F7: variants seen among roughly 807,000 people sequenced by gnomAD.
The protein encoded by F7 is coagulation factor VII.
Under a neutral mutation model 47.5 loss-of-function variants are expected in F7, and 38 were observed. The ratio of observed to expected loss-of-function variants is 0.80; its 90% CI spans 0.62 to 1.05. The LOEUF (loss-of-function observed/expected upper bound fraction) is 1.05. F7 is among the 50% of genes least tolerant of loss of function. The pLI is 0.00. For missense variants in F7, 575 were observed against 605.4 expected (o/e 0.95, Z 0.53); for synonymous variants, 244 against 258.5 (o/e 0.94, Z 0.54).
chr13:113,119,317 CCAAGGT>C lies in F7; in HGVS notation c.*310_*315del. The C allele has an allele frequency of 2.5e-6, 1 of 404,600 alleles. No individual in the cohort carries two copies. Among genetic ancestry groups the C allele is most frequent in the Non-Finnish European group, 4.5e-6 (1 of 222,854 alleles). 25.1% of individuals were successfully genotyped at this position (404,600 alleles called of 1,614,324 possible). A position where few individuals can be genotyped will look rare whatever the true frequency, so the allele number is the denominator to read the frequency against. On this transcript the variant is annotated 3_prime_UTR_variant, in exon 8 of 8. Coordinates refer to ENST00000346342, the MANE Select transcript of F7 (RefSeq NM_019616.4). The stretch of plus-strand genomic sequence containing the variant: ...CGCTGGACAGAGGGGCAGGGGAGTG[CCAAGGT>C]TGTCCTGGAGGCAGACAGCCCAGCT...
In F7 at chr13:113,109,162, G is replaced by A. The variant is rs538682624; in HGVS notation, c.65-1528G>A. Among the ~76,000 whole-genome samples, 190 of 142,632 alleles carry A rather than the reference G, an allele frequency of 1.3e-3. 1 individual carries two copies. The highest frequency in any genetic ancestry group is 2.3e-3 in the Non-Finnish European group (151 of 64,744). 93.6% of individuals were successfully genotyped at this position (142,632 alleles called of 152,430 possible). ...TGTCCCGGGAGTGTGGGTGTCCCGG[G>A]GGCGTGGGTATCCCAGAAGTGTGAG... On this transcript the variant is annotated intron_variant, in intron 1 of 7. Transcript: ENST00000346342.
chr13:113,114,049 C>G (rs113218160), intron 4 of F7, 89 bp downstream of exon 4: 1 of 1,415,196 alleles, frequency 7.1e-7, no homozygotes, highest in Non-Finnish European at 9.9e-7. Flanking sequence ...GGGTGCACAA[C>G]CTGGTGGGGT....
chr13:113,117,239 C>CA (rs981760112), intron 6 of F7, among the ~76,000 whole-genome samples: 3 of 152,216 alleles, frequency 2.0e-5, no homozygotes, highest in African/African-American at 7.2e-5. Context: ...AGTGAAATCT[C>CA]ACAGCGACAT....
At chr13:113,116,648 G>A (rs2036197155) in intron 5 of F7, 118 bp from the exon 6 acceptor site, 1 of 835,812 alleles carries the variant, frequency 1.2e-6, no homozygotes, top group African/African-American at 1.7e-5. Context: ...CTGCTCCTGG[G>A]GGCCTCCCAT....
In F7 at chr13:113,117,515, C is replaced by T; in HGVS notation, c.658C>T (p.Leu220=). The T allele has an allele frequency of 3.1e-6, 5 of 1,614,154 alleles. No individual in the cohort carries two copies. The South Asian group carries it at 3.3e-5, about 11-fold the overall frequency. Residue 220 remains leucine, a synonymous_variant, in exon 7 of 8, where the codon CTG becomes TTG. Transcript: ENST00000346342. The part of the protein sequence containing the change: ...VNGAQLCGGT[L]INTIWVVSAA... ...TGGAGCTCAGTTGTGTGGGGGGACC[C>T]TGATCAACACCATCTGGGTGGTCTC... is the stretch of plus-strand genomic sequence containing the variant.
chr13:113,112,309 C>T (rs1194017860), intron 2 of F7, among the ~76,000 whole-genome samples: 15 of 148,770 alleles, frequency 1.0e-4, no homozygotes, highest in Non-Finnish European at 2.1e-4. Context: ...ACCTTACTCT[C>T]ACAGGACACC....
rs2036256077 is a variant in F7 at position 113,119,150 on chromosome 13, AACAGAGAGAGACAGAG to A, written c.*155_*170del. On this transcript the variant is annotated 3_prime_UTR_variant, in exon 8 of 8. Coordinates refer to ENST00000346342, the MANE Select transcript of F7 (RefSeq NM_019616.4). ...AGGTGGGGAGGGAGACAGAGACAGA[AACAGAGAGAGACAGAG>A]ACAGAGAGAGACTGAGGGAGAGACT... 5.5e-6 allele frequency: 4 copies of A among 724,436 alleles called. No homozygotes were observed. Among genetic ancestry groups the A allele is most frequent in the Admixed American group, 4.4e-5 (2 of 45,262 alleles). 44.9% of individuals were successfully genotyped at this position (724,436 alleles called of 1,614,324 possible).
intron 7 of F7, among the ~76,000 whole-genome samples, chr13:113,118,086 G>A (rs572453559): frequency 6.6e-6 from 1 of 152,324 alleles, no homozygotes; most frequent in East Asian, 1.9e-4. Context: ...TTATGGGTGA[G>A]ACGAGCACTC....
At chr13:113,110,906 AGGCCGCGTGG>A in intron 2 of F7, 56 bp downstream of exon 2, 2 of 1,527,448 alleles carry the variant, frequency 1.3e-6, no homozygotes, top group Non-Finnish European at 1.8e-6. Context: ...GCGGTGAACC[AGGCCGCGTGG>A]GGCCGCCTGC....
intron 1 of F7, among the ~76,000 whole-genome samples, chr13:113,108,280 T>C (rs71446944): frequency 0.97 from 12,925 of 13,282 alleles, 6,382 homozygotes; most frequent in Middle Eastern, 1. Flanking sequence ...TCCCGGGGGT[T>C]GTGGGTGTCC....
In F7 at chr13:113,110,878, C is replaced by G. The variant is rs1256345217; in HGVS notation, c.225+28C>G. 1.9e-6 allele frequency: 3 copies of G among 1,549,652 alleles called. No individual in the cohort carries two copies. The African/African-American group carries it at 4.1e-5, about 21-fold the overall frequency. On this transcript the variant is annotated intron_variant, in intron 2 of 7. Transcript: ENST00000346342. ...GAGCCCAGCCTCGGGGCGCCCCGCG[C>G]CGCGGACACTGCAGGCGGCGGTGAA... is the stretch of plus-strand genomic sequence containing the variant.
At chr13:113,107,939 TGTGGGTGTCCCGGGGGC>T (rs2036000874) in intron 1 of F7, among the ~76,000 whole-genome samples, 1 of 55,726 alleles carries the variant, frequency 1.8e-5, no homozygotes. Context: ...GTCCCGGGGG[TGTGGGTGTCCCGGGGGC>T]GTGGGTGTCC....
chr13:113,111,515 A>G (rs12430816), intron 2 of F7, among the ~76,000 whole-genome samples: 6 of 23,188 alleles, frequency 2.6e-4, no homozygotes, highest in African/African-American at 1.3e-3. Context: ...TCACACTCAC[A>G]GGTCACCTCA....
In F7 at chr13:113,113,730, G is replaced by T; in HGVS notation, c.226-22G>T. ...CTCTGGTGAAGGTGCATCTCACGAGGCTTGCTCTCTTGTTCCTTCAGAAGC... is the reference window on the plus strand; with the variant it reads ...CTCTGGTGAAGGTGCATCTCACGAGTCTTGCTCTCTTGTTCCTTCAGAAGC... On this transcript the variant is annotated intron_variant, in intron 2 of 7. Coordinates refer to ENST00000346342, the MANE Select transcript of F7 (RefSeq NM_019616.4). This position sits in a 1 kb window ranked among gnomAD's most constrained non-coding sequence, Gnocchi z 4.1. The T allele has an allele frequency of 6.2e-7, 1 of 1,612,982 alleles. No individual in the cohort carries two copies. The highest frequency in any genetic ancestry group is 8.5e-7 in the Non-Finnish European group (1 of 1,178,948).
intron 4 of F7, 102 bp from the exon 5 acceptor site, chr13:113,115,558 C>A: frequency 7.4e-7 from 1 of 1,352,536 alleles, no homozygotes; most frequent in Non-Finnish European, 1.0e-6. Context: ...GTGCCACCTT[C>A]CAGGCAGAAC....
At position 113,105,819 on chromosome 13, in the gene F7, G is replaced by A. The variant is rs1280376656; in HGVS notation, c.-23G>A. 5 of 1,576,342 alleles carry A rather than the reference G, an allele frequency of 3.2e-6. No homozygotes were observed. In the African/African-American group the frequency reaches 4.0e-5, roughly 13 times the overall value. On this transcript the variant is annotated 5_prime_UTR_variant, in exon 1 of 8. Transcript: ENST00000346342. ...CCCATGGGGAATGTCAACAGGCAGG[G>A]GCAGCACTGCAGAGATTTCATCATG...
At chr13:113,117,323 C>A in intron 6 of F7, 150 bp from the exon 7 acceptor site, 1 of 1,282,196 alleles carries the variant, frequency 7.8e-7, no homozygotes, top group Non-Finnish European at 1.1e-6. Flanking sequence ...CAGGTCTGAG[C>A]AGCTTTGCCT....
In F7 at chr13:113,119,102, A is replaced by G; in HGVS notation, c.*94A>G. On this transcript the variant is annotated 3_prime_UTR_variant, in exon 8 of 8. Transcript: ENST00000346342. ...TATTCTTCTGCAGTTAATGGGGTAG[A>G]GGAGGGCATGGGAGGGAGGGAGAGG... is the stretch of plus-strand genomic sequence containing the variant. The G allele has an allele frequency of 1.5e-6, 1 of 665,690 alleles. No individual in the cohort carries two copies. Among genetic ancestry groups the G allele is most frequent in the Non-Finnish European group, 2.5e-6 (1 of 407,532 alleles). The allele number at this position is 665,690 out of a possible 1,614,324, so 41.2% of individuals were successfully genotyped here.
At chr13:113,109,737 C>G (rs1280414733) in intron 1 of F7, among the ~76,000 whole-genome samples, 1 of 152,164 alleles carries the variant, frequency 6.6e-6, no homozygotes, top group Non-Finnish European at 1.5e-5. Flanking sequence ...GCCCCCAGGC[C>G]CGTCTCCCCT....
Sources: gnomAD v4.1 joint callset for allele counts (sites outside exome capture counted in the v4.1 genomes callset) on GRCh38, gnomAD v4.1.1 for gene constraint, Gnocchi (gnomAD v3.1) non-coding constraint, MANE v1.5 for transcripts, NCBI Gene and HGNC (gene_info 2026-07-23, HGNC 2026-07-21) for gene names.